PPP2R2B: variants seen among roughly 807,000 people sequenced by gnomAD.
PPP2R2B encodes the protein protein phosphatase 2 regulatory subunit Bbeta, also known as serine/threonine-protein phosphatase 2A 55 kDa regulatory subunit B beta isoform.
Under a neutral mutation model 46.0 loss-of-function variants are expected in PPP2R2B, and 5 were observed. The ratio of observed to expected loss-of-function variants is 0.11; its 90% CI spans 0.06 to 0.23. The LOEUF (loss-of-function observed/expected upper bound fraction) is 0.23, where lower values mean the gene tolerates loss of function less well. Among genes scored for constraint, PPP2R2B ranks in the 10% least tolerant of loss-of-function variants. The probability of loss-of-function intolerance (pLI) is 1.00; values close to 1 mark genes in which losing one functional copy is unlikely to be tolerated. For synonymous variants in PPP2R2B, 215 were observed against 206.7 expected, an observed-to-expected ratio of 1.04 and a Z score of -0.34; for missense variants, 367 against 575.0, an observed-to-expected ratio of 0.64 and a Z score of 3.70.
intron 2 of PPP2R2B, among the ~76,000 whole-genome samples, chr5:146,783,042 T>A (rs1371703721): frequency 2.0e-5 from 3 of 152,084 alleles, no homozygotes; most frequent in African/African-American, 7.2e-5. Context: ...AAAAAGTAAG[T>A]AGGTATAGGA....
intron 7 of PPP2R2B, among the ~76,000 whole-genome samples, chr5:146,624,501 A>G (rs1309173923): frequency 1.3e-5 from 2 of 152,076 alleles, no homozygotes; most frequent in East Asian, 3.9e-4. Context: ...CACTGTCACC[A>G]TCTTAGTCTA....
Position 146,878,457 on chromosome 5 carries a change from C to T in PPP2R2B, c.-125+134G>A, listed in dbSNP as rs1762034822. On this transcript the variant is annotated intron_variant, in intron 1 of 9. Coordinates refer to ENST00000394411, the MANE Select transcript of PPP2R2B (RefSeq NM_181675.4). The surrounding 1 kb of genome is among the most constrained non-coding windows in gnomAD (Gnocchi z 4.5). ...GTCTGGGGAGATGCCCAACAGGTTC[C>T]CCTCCTTGGCAGCCGCTCCAAAATG... 7.3e-7 allele frequency: 1 copy of T among 1,377,532 alleles called. No individual in the cohort carries two copies. Among genetic ancestry groups the T allele is most frequent in the South Asian group, 1.6e-5 (1 of 62,268 alleles). The allele number at this position is 1,377,532 out of a possible 1,614,324, so 85.3% of individuals were successfully genotyped here.
intron 2 of PPP2R2B, among the ~76,000 whole-genome samples, chr5:146,775,736 AAC>A (rs1755142438): frequency 6.6e-6 from 1 of 152,068 alleles, no homozygotes; most frequent in Non-Finnish European, 1.5e-5. Context: ...TAAGAACACA[AAC>A]ACACACACGC....
chr5:146,908,157 C>T (rs1053060237), intron 1 of PPP2R2B, among the ~76,000 whole-genome samples: 7 of 152,228 alleles, frequency 4.6e-5, no homozygotes, highest in African/African-American at 1.7e-4. Context: ...TACAGGAAAG[C>T]CAAGACAGAT....
upstream of PPP2R2B, among the ~76,000 whole-genome samples, chr5:146,880,179 TTGTGTGTGTGTGTGTGTG>T (rs57151657): frequency 2.9e-5 from 4 of 138,158 alleles, no homozygotes; most frequent in Admixed American, 7.2e-5. Flanking sequence ...CATAGTTATT[TTGTGTGTGTGTGTGTGTG>T]TGTGTGTGTG....
At chr5:147,080,978 A>G in intron 2 of PPP2R2B, 1 of 1,339,376 alleles carries the variant, frequency 7.5e-7, no homozygotes, top group Non-Finnish European at 1.0e-6. Flanking sequence ...GATTCATGAA[A>G]GTAAAGATGA....
At chr5:147,046,131 C>T (rs1280779895) in intron 1 of PPP2R2B, among the ~76,000 whole-genome samples, 1 of 152,052 alleles carries the variant, frequency 6.6e-6, no homozygotes, top group African/African-American at 2.4e-5. Flanking sequence ...ACCCATCACC[C>T]AGCTGATATC....
At chr5:146,667,404 G>A (rs1198171250) in intron 5 of PPP2R2B, among the ~76,000 whole-genome samples, 1 of 151,648 alleles carries the variant, frequency 6.6e-6, no homozygotes, top group Non-Finnish European at 1.5e-5. Context: ...GATGGGATGA[G>A]CAAGAGAAGA....
At chr5:147,007,830 A>G (rs746717435) in intron 1 of PPP2R2B, among the ~76,000 whole-genome samples, 2 of 152,174 alleles carry the variant, frequency 1.3e-5, no homozygotes, top group Non-Finnish European at 2.9e-5. Flanking sequence ...AACTGGACAC[A>G]TCTGAACATT....
chr5:146,762,754 G>A (rs1009379636), intron 2 of PPP2R2B, among the ~76,000 whole-genome samples: 1 of 152,172 alleles, frequency 6.6e-6, no homozygotes, highest in Non-Finnish European at 1.5e-5. Context: ...ATGAAGACAG[G>A]CACCTAGACA....
At chr5:146,757,954 G>A (rs1157423168) in intron 2 of PPP2R2B, among the ~76,000 whole-genome samples, 2 of 152,168 alleles carry the variant, frequency 1.3e-5, no homozygotes, top group African/African-American at 2.4e-5. Flanking sequence ...AAATGAAGCT[G>A]AGTAGACATA....
intron 2 of PPP2R2B, among the ~76,000 whole-genome samples, chr5:147,065,685 A>C (rs1757395669): frequency 6.6e-6 from 1 of 152,092 alleles, no homozygotes; most frequent in South Asian, 2.1e-4. Flanking sequence ...TTTAGAGAAA[A>C]GAGGGAAAAT....
intron 2 of PPP2R2B, among the ~76,000 whole-genome samples, chr5:147,066,608 G>C (rs6895387): frequency 0.076 from 11,577 of 152,166 alleles, 480 homozygotes; most frequent in East Asian, 0.16. Flanking sequence ...TGTGCTCAGC[G>C]CTGACCATAA....
chr5:146,667,332 G>GCACACACA (rs144297178), intron 5 of PPP2R2B, among the ~76,000 whole-genome samples: 43 of 32,054 alleles, frequency 1.3e-3, no homozygotes, highest in African/African-American at 3.6e-3. Context: ...GCGTGCGCGC[G>GCACACACA]CACACACACA....
intron 2 of PPP2R2B, among the ~76,000 whole-genome samples, chr5:146,752,438 A>G (rs1190397651): frequency 6.6e-6 from 1 of 152,220 alleles, no homozygotes; most frequent in Non-Finnish European, 1.5e-5. Context: ...TATTTCTCAG[A>G]ACTTAACACA....
At chr5:147,073,444 C>T (rs1297093226) in intron 2 of PPP2R2B, among the ~76,000 whole-genome samples, 1 of 152,162 alleles carries the variant, frequency 6.6e-6, no homozygotes, top group Non-Finnish European at 1.5e-5. Context: ...AATTTTTCTT[C>T]TGGCAGATTG....
At chr5:147,048,002 G>A (rs941634816) in intron 1 of PPP2R2B, among the ~76,000 whole-genome samples, 76 of 152,230 alleles carry the variant, frequency 5.0e-4, no homozygotes, top group African/African-American at 1.7e-3. Context: ...TTCACTTGGG[G>A]AAGCTAGAAA....
intron 2 of PPP2R2B, among the ~76,000 whole-genome samples, chr5:146,708,352 G>T (rs1285622040): frequency 1.5e-5 from 2 of 130,884 alleles, no homozygotes; most frequent in African/African-American, 6.1e-5. Context: ...GCCAGACTTG[G>T]TCTCAAAAAA....
intron 1 of PPP2R2B, among the ~76,000 whole-genome samples, chr5:146,924,162 A>C (rs1763703981): frequency 6.6e-6 from 1 of 152,220 alleles, no homozygotes; most frequent in Non-Finnish European, 1.5e-5. Context: ...TCTGTACAAC[A>C]AATCCCCATG....
Sources: gnomAD v4.1 joint callset for allele counts (sites outside exome capture counted in the v4.1 genomes callset) on GRCh38, gnomAD v4.1.1 for gene constraint, Gnocchi (gnomAD v3.1) non-coding constraint, MANE v1.5 for transcripts, NCBI Gene and HGNC (gene_info 2026-07-23, HGNC 2026-07-21) for gene names.